The following PIK3R2 variants were observed in gnomAD, a reference collection of about 807,000 sequenced individuals.
PIK3R2 encodes the protein phosphoinositide-3-kinase regulatory subunit 2.
PIK3R2 carries 40 observed loss-of-function variants against 78.5 expected under a neutral mutation model. The ratio of observed to expected loss-of-function variants is 0.51; its 90% CI spans 0.40 to 0.66. The LOEUF (loss-of-function observed/expected upper bound fraction) is 0.66. PIK3R2 is among the 30% of genes least tolerant of loss of function. The pLI is 0.00. For missense variants in PIK3R2, 880 were observed against 1,026.6 expected (o/e 0.86, Z 1.95); for synonymous variants, 473 against 457.7 (o/e 1.03, Z -0.43).
intron 2 of PIK3R2, among the ~76,000 whole-genome samples, chr19:18,158,198 G>A (rs1490995528): frequency 6.6e-6 from 1 of 152,108 alleles, no homozygotes; most frequent in East Asian, 1.9e-4. Context: ...CATCAAGAAG[G>A]GAGAAGCGGG....
chr19:18,168,039 G>C lies in PIK3R2; in HGVS notation c.1737-436G>C, dbSNP rs960046122. On this transcript the variant is annotated intron_variant, in intron 13 of 15. Transcript: ENST00000222254. This position sits in a 1 kb window ranked among gnomAD's most constrained non-coding sequence, Gnocchi z 4.1. ...GGCCTCAGGGAGGGCACTGTCGCGT[G>C]CCAGGTGCTGTGCTAAGCACCGTGC... 5.3e-5 allele frequency among the ~76,000 whole-genome samples: 8 copies of C among 152,166 alleles called. No homozygotes were observed. The highest frequency in any genetic ancestry group is 1.7e-4 in the African/African-American group (7 of 41,438).
rs1218184349 is a variant in PIK3R2, at chr19:18,167,885, A to G, written c.1736+579A>G. Among the ~76,000 whole-genome samples the G allele has an allele frequency of 1.3e-5, 2 of 151,772 alleles. No individual in the cohort carries two copies. The highest frequency in any genetic ancestry group is 1.9e-4 in the East Asian group (1 of 5,160). On this transcript the variant is annotated intron_variant, in intron 13 of 15. Coordinates refer to ENST00000222254, the MANE Select transcript of PIK3R2 (RefSeq NM_005027.4). This position sits in a 1 kb window ranked among gnomAD's most constrained non-coding sequence, Gnocchi z 4.5. Reference sequence around the variant, plus strand: ...CCTCAGAAAAGAAAAGAAAAAAAAAATCGCCTGCTGTGCAACCTACCATGC... The same window carrying G: ...CCTCAGAAAAGAAAAGAAAAAAAAAGTCGCCTGCTGTGCAACCTACCATGC...
Position 18,163,370 on chromosome 19 carries a change from G to A in PIK3R2, c.1398G>A (p.Glu466=), listed in dbSNP as rs2147953769. The A allele has an allele frequency of 1.2e-6, 2 of 1,614,064 alleles. No homozygotes were observed. Among genetic ancestry groups the A allele is most frequent in the Non-Finnish European group, 1.7e-6 (2 of 1,179,994 alleles). The change falls in exon 11 of 16, where the codon GAG becomes GAA. Residue 466 remains glutamate, a synonymous_variant. Transcript: ENST00000222254. The part of the protein sequence containing the change: ...KSREYDQLYE[E]YTRTSQELQM... The stretch of plus-strand genomic sequence containing the variant: ...GCGAGTATGACCAGCTTTATGAAGA[G>A]TACACACGGACCTCCCAGGTACTCC...
At chr19:18,166,101 C>T (rs2043807122) in intron 11 of PIK3R2, 59 bp from the exon 12 acceptor site, 1 of 1,609,306 alleles carries the variant, frequency 6.2e-7, no homozygotes, top group Non-Finnish European at 8.5e-7. Context: ...GTGCCTTTAC[C>T]CCTCACGAGG....
Position 18,162,465 on chromosome 19 carries a change from T to C in PIK3R2, c.1068T>C (p.Asp356=). Residue 356 remains aspartate, a synonymous_variant, in exon 9 of 16, where the codon GAT becomes GAC. Transcript: ENST00000222254. Reference sequence around the variant, plus strand: ...CCGATGGCACCTTCCTAGTCCGAGATGCTTCTAGCAAGATCCAGGGCGAGT... The same window carrying C: ...CCGATGGCACCTTCCTAGTCCGAGACGCTTCTAGCAAGATCCAGGGCGAGT... ...DTPDGTFLVR[D]ASSKIQGEYT... The C allele has an allele frequency of 1.9e-6, 3 of 1,613,520 alleles. No homozygotes were observed. The South Asian group carries it at 3.3e-5, about 18-fold the overall frequency.
intron 2 of PIK3R2, among the ~76,000 whole-genome samples, chr19:18,157,443 T>C (rs1287751057): frequency 6.6e-6 from 1 of 152,076 alleles, no homozygotes. Context: ...ACCCGCCCCC[T>C]CGAGGCCTCA....
Position 18,155,706 on chromosome 19 carries a change from A to G in PIK3R2, c.-174A>G, listed in dbSNP as rs1001210335. On this transcript the variant is annotated 5_prime_UTR_variant, in exon 2 of 16. Transcript: ENST00000222254. ...GAGTGGCCCTTGTAAGGGTCATGGA[A>G]TAATTTGAAGCGAGGCATGAGCGGC... 2 of 586,138 alleles carry G rather than the reference A, an allele frequency of 3.4e-6. No individual in the cohort carries two copies. The highest frequency in any genetic ancestry group is 3.9e-5 in the African/African-American group (2 of 50,748). The allele number at this position is 586,138 out of a possible 1,614,324, so 36.3% of individuals were successfully genotyped here. A position where few individuals can be genotyped will look rare whatever the true frequency, so the allele number is the denominator to read the frequency against.
chr19:18,162,109 T>C, intron 7 of PIK3R2, 58 bp downstream of exon 7: 1 of 1,540,854 alleles, frequency 6.5e-7, no homozygotes, highest in Non-Finnish European at 9.0e-7. Context: ...TACTGATCCC[T>C]GAGTGCTGCC....
chr19:18,160,788 C>A, intron 3 of PIK3R2, 131 bp from the exon 4 acceptor site: 1 of 1,170,118 alleles, frequency 8.5e-7, no homozygotes, highest in Non-Finnish European at 1.2e-6. Context: ...CCAGTTCTCC[C>A]TCCCCACCCC....
intron 8 of PIK3R2, 45 bp downstream of exon 8, chr19:18,162,355 G>T: frequency 6.3e-7 from 1 of 1,595,044 alleles, no homozygotes; most frequent in Non-Finnish European, 8.6e-7. Flanking sequence ...GTGTCACAGG[G>T]TGAGCGGGGT....
chr19:18,159,403 C>G (rs185712743), intron 2 of PIK3R2, among the ~76,000 whole-genome samples: 1 of 151,920 alleles, frequency 6.6e-6, no homozygotes, highest in African/African-American at 2.4e-5. Flanking sequence ...GCATTCATTC[C>G]TCTCATGCAT....
chr19:18,155,183 CA>C (rs1393931171), intron 1 of PIK3R2, among the ~76,000 whole-genome samples: 1 of 107,648 alleles, frequency 9.3e-6, no homozygotes, highest in African/African-American at 3.7e-5. Context: ...GGTGACAGAG[CA>C]AGACTCTATC....
chr19:18,165,390 C>T (rs974648672), intron 11 of PIK3R2, among the ~76,000 whole-genome samples: 7 of 138,458 alleles, frequency 5.1e-5, no homozygotes, highest in South Asian at 4.6e-4. Flanking sequence ...AAAAATTAGC[C>T]GGGCATGGTG....
At position 18,155,646 on chromosome 19, in the gene PIK3R2, C is replaced by A; in HGVS notation, c.-234C>A. ...TGACCTGACACCACACCACCAACTC[C>A]CTCCCACCAGCTGACGAATGGTGGA... On this transcript the variant is annotated 5_prime_UTR_variant, in exon 2 of 16. Transcript: ENST00000222254. The A allele has an allele frequency of 1.8e-6, 1 of 543,854 alleles. No homozygotes were observed. The highest frequency in any genetic ancestry group is 3.2e-6 in the Non-Finnish European group (1 of 310,490). The allele number at this position is 543,854 out of a possible 1,614,324, so 33.7% of individuals were successfully genotyped here.
rs974344732 is a variant in PIK3R2, at chr19:18,156,262, T to C, written c.322+61T>C. On this transcript the variant is annotated intron_variant, in intron 2 of 15. Transcript: ENST00000222254. The surrounding 1 kb of genome is among the most constrained non-coding windows in gnomAD (Gnocchi z 4.2). ...GTCCCCTCAGACCCTTGGTCTCCTC[T>C]TCTGTCCAGTGAGGCAATGGGATCT... The C allele has an allele frequency of 7.9e-6, 10 of 1,265,948 alleles. No individual in the cohort carries two copies. The highest frequency in any genetic ancestry group is 1.1e-5 in the Non-Finnish European group (10 of 945,372). The allele number at this position is 1,265,948 out of a possible 1,614,324, so 78.4% of individuals were successfully genotyped here.
rs1463748715 is a variant in PIK3R2 at position 18,161,163 on chromosome 19, C to T, written c.576C>T (p.Ala192=). The change falls in exon 5 of 16, where the codon GCC becomes GCT. Residue 192 remains alanine, a synonymous_variant. Coordinates refer to ENST00000222254, the MANE Select transcript of PIK3R2 (RefSeq NM_005027.4). This position sits in a 1 kb window ranked among gnomAD's most constrained non-coding sequence, Gnocchi z 5.3. ...CGCTCGTGACCCCCGAGGCCTCGGC[C>T]GAGGCGCGCCGGGCCCTGCGGGGTG... is the stretch of plus-strand genomic sequence containing the variant. ...PAPLVTPEAS[A]EARRALREAA... 1.3e-6 allele frequency: 2 copies of T among 1,547,250 alleles called. No individual in the cohort carries two copies. The highest frequency in any genetic ancestry group is 1.2e-5 in the South Asian group (1 of 83,990).
rs2043829205 is a variant in PIK3R2 at position 18,168,376 on chromosome 19, CCTCT to C, written c.1737-95_1737-92del. On this transcript the variant is annotated intron_variant, in intron 13 of 15. Transcript: ENST00000222254. This position sits in a 1 kb window ranked among gnomAD's most constrained non-coding sequence, Gnocchi z 4.1. ...CAACCGGAGATATTGTACCCAGAAC[CCTCT>C]CTCCTCAGCCAGACCCTGCCTCCCA... The C allele has an allele frequency of 2.8e-6, 2 of 709,804 alleles. No individual in the cohort carries two copies. Among genetic ancestry groups the C allele is most frequent in the South Asian group, 1.5e-5 (1 of 67,166 alleles). The allele number at this position is 709,804 out of a possible 1,614,324, so 44.0% of individuals were successfully genotyped here.
rs1012099645 is a variant in PIK3R2 at position 18,153,286 on chromosome 19, C to A, written c.-432C>A. 116 of 155,204 alleles carry A rather than the reference C, an allele frequency of 7.5e-4. No homozygotes were observed. Among genetic ancestry groups the A allele is most frequent in the African/African-American group, 2.5e-3 (106 of 41,604 alleles). The allele number at this position is 155,204 out of a possible 1,614,324, so 9.6% of individuals were successfully genotyped here. A position where few individuals can be genotyped will look rare whatever the true frequency, so the allele number is the denominator to read the frequency against. ...CGGCGGCTGCGGCGGCGGTGGCGGC[C>A]GCGACCAGGTGAGTCCTGACTGGCC... On this transcript the variant is annotated 5_prime_UTR_variant, in exon 1 of 16. Coordinates refer to ENST00000222254, the MANE Select transcript of PIK3R2 (RefSeq NM_005027.4).
At chr19:18,154,123 T>A (rs952107443) in intron 1 of PIK3R2, among the ~76,000 whole-genome samples, 1 of 152,134 alleles carries the variant, frequency 6.6e-6, no homozygotes, top group African/African-American at 2.4e-5. Context: ...TGCCGTTCCG[T>A]CTGCCTGTCG....
Sources: allele counts gnomAD v4.1 joint callset (sites outside exome capture counted in the v4.1 genomes callset), GRCh38; gene constraint gnomAD v4.1.1; non-coding constraint Gnocchi (gnomAD v3.1); transcripts MANE v1.5; gene names NCBI Gene and HGNC (gene_info 2026-07-23, HGNC 2026-07-21).